UBL3: variants seen among roughly 807,000 people sequenced by gnomAD.
UBL3 encodes ubiquitin like 3.
UBL3 carries 6 observed loss-of-function variants against 18.4 expected under a neutral mutation model. The observed-to-expected ratio is 0.33, with a 90% CI of 0.18 to 0.64. The LOEUF (loss-of-function observed/expected upper bound fraction) is 0.64. Among genes scored for constraint, UBL3 ranks in the 30% least tolerant of loss-of-function variants. The pLI is 0.76. For synonymous variants in UBL3, 49 were observed against 46.6 expected, an observed-to-expected ratio of 1.05 and a Z score of -0.21; for missense variants, 109 against 142.9, an observed-to-expected ratio of 0.76 and a Z score of 1.21.
chr13:29,795,334 C>T (rs940144101), intron 1 of UBL3, among the ~76,000 whole-genome samples: 2 of 151,864 alleles, frequency 1.3e-5, no homozygotes, highest in African/African-American at 4.8e-5. Flanking sequence ...AGCAAATATC[C>T]TAGGGAACTC....
At chr13:29,807,724 T>C (rs192526104) in intron 1 of UBL3, among the ~76,000 whole-genome samples, 1 of 152,198 alleles carries the variant, frequency 6.6e-6, no homozygotes, top group East Asian at 1.9e-4. Flanking sequence ...ATGATTGCTG[T>C]TCTGAAAAAA....
intron 1 of UBL3, among the ~76,000 whole-genome samples, chr13:29,790,191 G>C (rs1877445453): frequency 1.3e-5 from 2 of 152,266 alleles, no homozygotes; most frequent in South Asian, 4.1e-4. Flanking sequence ...TAAGTAAAAA[G>C]AGAACGTTAT....
intron 1 of UBL3, among the ~76,000 whole-genome samples, chr13:29,834,597 TA>T (rs964192595): frequency 2.0e-5 from 3 of 152,118 alleles, no homozygotes; most frequent in African/African-American, 7.2e-5. Flanking sequence ...GGCTTAATGA[TA>T]AAAAAATGTT....
At chr13:29,810,766 T>C (rs1593664728) in intron 1 of UBL3, among the ~76,000 whole-genome samples, 1 of 152,150 alleles carries the variant, frequency 6.6e-6, no homozygotes, top group Non-Finnish European at 1.5e-5. Context: ...ATGTTGTTTA[T>C]AATGCAAGCT....
intron 1 of UBL3, among the ~76,000 whole-genome samples, chr13:29,788,876 CGCGCGCGCACGCGCACGTGTGTGCGTGT>C (rs1449021953): frequency 1.0e-4 from 6 of 59,532 alleles, no homozygotes; most frequent in Non-Finnish European, 1.8e-4. Flanking sequence ...TGTGTGCGCG[CGCGCGCGCACGCGCACGTGTGTGCGTGT>C]GTGTGTGTGT....
chr13:29,807,313 A>G (rs1877921733), intron 1 of UBL3, among the ~76,000 whole-genome samples: 1 of 152,174 alleles, frequency 6.6e-6, no homozygotes, highest in Non-Finnish European at 1.5e-5. Context: ...AGCTGACTAT[A>G]TAATCTTGGG....
In UBL3 at chr13:29,849,788, C is replaced by T; in HGVS notation, c.-250G>A. ...CCGGGACAGCAGAGGCAGCCCCCGT[C>T]GTCGTCGTCGTCGTCAACAGCAGCA... On this transcript the variant is annotated 5_prime_UTR_variant, in exon 1 of 5. Transcript: ENST00000380680. 1 of 576,360 alleles carries T rather than the reference C, an allele frequency of 1.7e-6. No homozygotes were observed. The highest frequency in any genetic ancestry group is 3.1e-6 in the Non-Finnish European group (1 of 325,832). The allele number at this position is 576,360 out of a possible 1,614,324, so 35.7% of individuals were successfully genotyped here.
intron 1 of UBL3, among the ~76,000 whole-genome samples, chr13:29,816,548 C>T (rs929847142): frequency 8.6e-5 from 13 of 151,168 alleles, no homozygotes; most frequent in Admixed American, 8.6e-4. Flanking sequence ...TGAATAAGCC[C>T]AAGAGTTTGA....
intron 1 of UBL3, among the ~76,000 whole-genome samples, chr13:29,783,288 A>C (rs1346430818): frequency 6.6e-6 from 1 of 152,238 alleles, no homozygotes; most frequent in African/African-American, 2.4e-5. Flanking sequence ...ATTCTAAGTT[A>C]CCGTATTAAC....
intron 1 of UBL3, chr13:29,779,203 C>A (rs1469064579): frequency 2.0e-6 from 1 of 500,414 alleles, no homozygotes; most frequent in Non-Finnish European, 4.0e-6. Flanking sequence ...AAGCAAGGAA[C>A]CTAACATCTA....
At chr13:29,804,170 C>G (rs1877843605) in intron 1 of UBL3, among the ~76,000 whole-genome samples, 1 of 151,382 alleles carries the variant, frequency 6.6e-6, no homozygotes, top group Non-Finnish European at 1.5e-5. Context: ...GAAAATCACT[C>G]AAAACCATAC....
chr13:29,821,180 C>G (rs1878428756), intron 1 of UBL3, among the ~76,000 whole-genome samples: 1 of 152,018 alleles, frequency 6.6e-6, no homozygotes, highest in Non-Finnish European at 1.5e-5. Context: ...AAAGAAGAAG[C>G]TTACTAAGTA....
chr13:29,782,395 T>C (rs1271045197), intron 1 of UBL3, among the ~76,000 whole-genome samples: 2 of 152,218 alleles, frequency 1.3e-5, no homozygotes, highest in Non-Finnish European at 2.9e-5. Context: ...TAAACTGATA[T>C]TACACTTTCA....
At chr13:29,847,547 C>T (rs1378265893) in intron 1 of UBL3, among the ~76,000 whole-genome samples, 1 of 152,218 alleles carries the variant, frequency 6.6e-6, no homozygotes, top group African/African-American at 2.4e-5. Context: ...ACAGTATTTC[C>T]CAAATCATCT....
intron 1 of UBL3, among the ~76,000 whole-genome samples, chr13:29,782,015 T>C (rs199873833): frequency 6.7e-6 from 1 of 149,546 alleles, no homozygotes; most frequent in Admixed American, 6.7e-5. Context: ...AAAAAAAAAA[T>C]AAAATAAACA....
intron 1 of UBL3, among the ~76,000 whole-genome samples, chr13:29,781,493 A>C (rs771235200): frequency 5.3e-5 from 8 of 152,200 alleles, no homozygotes; most frequent in African/African-American, 9.7e-5. Flanking sequence ...AACGCTATCA[A>C]GTACTGTATC....
chr13:29,840,785 T>G (rs2139368051), intron 1 of UBL3, among the ~76,000 whole-genome samples: 1 of 152,260 alleles, frequency 6.6e-6, no homozygotes, highest in South Asian at 2.1e-4. Context: ...TTTAAGAATA[T>G]CCATTATGTC....
intron 1 of UBL3, among the ~76,000 whole-genome samples, chr13:29,779,082 C>CT (rs1877076276): frequency 6.6e-6 from 1 of 152,138 alleles, no homozygotes; most frequent in South Asian, 2.1e-4. Flanking sequence ...GATCCAAAAA[C>CT]TTTGAGTTCC....
At chr13:29,837,387 ACT>A (rs1342257806) in intron 1 of UBL3, among the ~76,000 whole-genome samples, 3 of 152,218 alleles carry the variant, frequency 2.0e-5, no homozygotes, top group African/African-American at 7.2e-5. Flanking sequence ...AAAATTAAAA[ACT>A]CAATAATTAG....
Sources: allele counts gnomAD v4.1 joint callset (sites outside exome capture counted in the v4.1 genomes callset), GRCh38; gene constraint gnomAD v4.1.1; transcripts MANE v1.5; gene names NCBI Gene and HGNC (gene_info 2026-07-23, HGNC 2026-07-21).